ARFIP1: variants seen among roughly 807,000 people sequenced by gnomAD.
The protein encoded by ARFIP1 is arfaptin-1.
Under a neutral mutation model 42.5 loss-of-function variants are expected in ARFIP1, and 24 were observed. The ratio of observed to expected loss-of-function variants is 0.57; its 90% CI spans 0.41 to 0.80. ARFIP1 has a LOEUF of 0.80. Ranked by LOEUF, ARFIP1 falls within the 30% of genes least tolerant of loss-of-function variation. The pLI is 0.00. For missense variants in ARFIP1, 354 were observed against 434.0 expected (o/e 0.82, Z 1.64); for synonymous variants, 141 against 153.7 (o/e 0.92, Z 0.61).
chr4:152,852,351 C>T (rs1168670885), intron 2 of ARFIP1, among the ~76,000 whole-genome samples: 2 of 152,140 alleles, frequency 1.3e-5, no homozygotes, highest in African/African-American at 2.4e-5. Flanking sequence ...TAAGGGTTGG[C>T]CAGGCGCGGT....
At chr4:152,843,706 G>T (rs984089735) in intron 2 of ARFIP1, among the ~76,000 whole-genome samples, 5 of 152,194 alleles carry the variant, frequency 3.3e-5, no homozygotes, top group Admixed American at 2.0e-4. Flanking sequence ...GGGGAAAGCC[G>T]GCAGTCACAG....
intron 5 of ARFIP1, among the ~76,000 whole-genome samples, chr4:152,872,851 A>G (rs759842653): frequency 1.3e-5 from 2 of 152,196 alleles, no homozygotes; most frequent in Non-Finnish European, 2.9e-5. Flanking sequence ...CTGTAGAGCT[A>G]CTATAGATAT....
chr4:152,898,117 G>A (rs1737506732), intron 8 of ARFIP1, among the ~76,000 whole-genome samples: 2 of 151,300 alleles, frequency 1.3e-5, no homozygotes, highest in African/African-American at 2.4e-5. Flanking sequence ...TGAGTGGCTG[G>A]GATTACAGGC....
At chr4:152,836,989 C>G (rs1731702369) in intron 2 of ARFIP1, among the ~76,000 whole-genome samples, 1 of 151,888 alleles carries the variant, frequency 6.6e-6, no homozygotes, top group African/African-American at 2.4e-5. Context: ...TCTTTGCATC[C>G]TCATAGCCTA....
At chr4:152,843,838 C>T (rs1324666237) in intron 2 of ARFIP1, among the ~76,000 whole-genome samples, 1 of 152,172 alleles carries the variant, frequency 6.6e-6, no homozygotes, top group Non-Finnish European at 1.5e-5. Flanking sequence ...ACCCAGGCTA[C>T]CCACCTTCCA....
chr4:152,853,085 T>C (rs1733127802), intron 2 of ARFIP1, among the ~76,000 whole-genome samples: 1 of 152,230 alleles, frequency 6.6e-6, no homozygotes, highest in Non-Finnish European at 1.5e-5. Flanking sequence ...TCCATTTGCA[T>C]TTAAGATTTT....
chr4:152,824,609 A>G (rs1377753222), intron 1 of ARFIP1, among the ~76,000 whole-genome samples: 1 of 152,196 alleles, frequency 6.6e-6, no homozygotes, highest in African/African-American at 2.4e-5. Flanking sequence ...AGCTGAAAGT[A>G]TTCCCCCTAA....
chr4:152,856,979 G>A (rs1046249854), intron 2 of ARFIP1, among the ~76,000 whole-genome samples: 8 of 152,132 alleles, frequency 5.3e-5, no homozygotes, highest in Admixed American at 4.6e-4. Flanking sequence ...ATTTAAAACT[G>A]GAAACCATTG....
At chr4:152,901,051 A>C (rs1290403574) in intron 8 of ARFIP1, among the ~76,000 whole-genome samples, 2 of 152,244 alleles carry the variant, frequency 1.3e-5, no homozygotes, top group South Asian at 4.1e-4. Flanking sequence ...CAAAACCTGC[A>C]ATTACTTTTG....
intron 8 of ARFIP1, among the ~76,000 whole-genome samples, chr4:152,908,140 C>G (rs1277630515): frequency 2.0e-5 from 3 of 152,154 alleles, no homozygotes; most frequent in African/African-American, 7.2e-5. Flanking sequence ...ATTCCTGTTT[C>G]CTCCTCTGTG....
At chr4:152,849,085 C>T (rs1006232084) in intron 2 of ARFIP1, among the ~76,000 whole-genome samples, 1 of 152,026 alleles carries the variant, frequency 6.6e-6, no homozygotes, top group Non-Finnish European at 1.5e-5. Flanking sequence ...CAGCTATAGG[C>T]TATACTTTTA....
chr4:152,843,334 A>G (rs1044807170), intron 2 of ARFIP1, among the ~76,000 whole-genome samples: 26 of 152,240 alleles, frequency 1.7e-4, no homozygotes, highest in South Asian at 4.1e-4. Flanking sequence ...AGAGGGTGCA[A>G]TGGACTCCAT....
chr4:152,891,550 G>A (rs774360096), intron 8 of ARFIP1, among the ~76,000 whole-genome samples: 1 of 152,090 alleles, frequency 6.6e-6, no homozygotes, highest in South Asian at 2.1e-4. Flanking sequence ...TTTTAGCCTA[G>A]GAACTGTCAT....
intron 2 of ARFIP1, among the ~76,000 whole-genome samples, chr4:152,851,401 A>G (rs1040424578): frequency 5.9e-5 from 9 of 152,184 alleles, no homozygotes; most frequent in Non-Finnish European, 1.0e-4. Flanking sequence ...CATCAGAAGC[A>G]ACTGTAACAA....
rs543435437 is a variant in ARFIP1 at position 152,795,503 on chromosome 4, A to G, written c.-10+15277A>G. ...AATTACAAAGAATGCTAGAGTGTGTATTTGTCTTTGTATATTTGGAGGTAT... is the reference window on the plus strand; with the variant it reads ...AATTACAAAGAATGCTAGAGTGTGTGTTTGTCTTTGTATATTTGGAGGTAT... On this transcript the variant is annotated intron_variant, in intron 1 of 8. Coordinates refer to ENST00000353617, the MANE Select transcript of ARFIP1 (RefSeq NM_001025595.3). Among the ~76,000 whole-genome samples the G allele has an allele frequency of 2.8e-4, 43 of 152,216 alleles. 1 individual carries two copies. The highest frequency in any genetic ancestry group is 2.2e-3 in the Admixed American group (33 of 15,290).
chr4:152,804,174 GTATTATATATTATATATA>G (rs1728710629), intron 1 of ARFIP1, among the ~76,000 whole-genome samples: 1 of 110,918 alleles, frequency 9.0e-6, no homozygotes, highest in African/African-American at 3.7e-5. Context: ...AATATAACAT[GTATTATATATTATATATA>G]ATATAACATG....
Position 152,905,951 on chromosome 4 carries a change from A to C in ARFIP1, c.967-4113A>C, listed in dbSNP as rs569747528. On this transcript the variant is annotated intron_variant, in intron 8 of 8. Transcript: ENST00000353617. ...TTTTTCACTTTTGTGTCTTTTGAAG[A>C]GAGAAATATTTTTGAAGTCCAATTT... Among the ~76,000 whole-genome samples the C allele has an allele frequency of 4.6e-5, 7 of 152,228 alleles. No individual in the cohort carries two copies. In the East Asian group the frequency reaches 1.4e-3, roughly 29 times the overall value.
At chr4:152,878,015 C>CA (rs1180444030) in intron 5 of ARFIP1, among the ~76,000 whole-genome samples, 1 of 152,160 alleles carries the variant, frequency 6.6e-6, no homozygotes, top group Non-Finnish European at 1.5e-5. Context: ...CTTAAATACT[C>CA]AGAGTACACA....
At chr4:152,815,408 G>T (rs1449189557) in intron 1 of ARFIP1, among the ~76,000 whole-genome samples, 1 of 152,160 alleles carries the variant, frequency 6.6e-6, no homozygotes, top group Non-Finnish European at 1.5e-5. Flanking sequence ...AGATTTAAGT[G>T]CATTTACACA....
Sources: allele counts gnomAD v4.1 joint callset (sites outside exome capture counted in the v4.1 genomes callset), GRCh38; gene constraint gnomAD v4.1.1; transcripts MANE v1.5; gene names NCBI Gene and HGNC (gene_info 2026-07-23, HGNC 2026-07-21).